The following GMPR2 variants were observed in gnomAD, a reference collection of about 807,000 sequenced individuals.
GMPR2 encodes the protein guanosine monophosphate reductase 2.
In GMPR2, 32 loss-of-function variants were observed where a neutral mutation model predicts 38.5. That is an observed-to-expected ratio of 0.83 (90% CI 0.63 to 1.12). GMPR2 has a LOEUF of 1.12. Among genes scored for constraint, GMPR2 ranks in the 50% most tolerant of loss-of-function variants. GMPR2 has a pLI of 0.00. For synonymous variants in GMPR2, 154 were observed against 151.0 expected (o/e 1.02, Z -0.15); for missense variants, 396 against 432.1 (o/e 0.92, Z 0.74).
Position 24,233,554 on chromosome 14 carries a change from A to G in GMPR2, c.163A>G (p.Met55Val). 1 of 1,614,130 alleles carries G rather than the reference A, an allele frequency of 6.2e-7. No individual in the cohort carries two copies. Among genetic ancestry groups the G allele is most frequent in the Admixed American group, 1.7e-5 (1 of 60,020 alleles). The part of the protein sequence containing the change: ...YSGVPIIAAN[M>V]DTVGTFEMAK... ...TGGGGTTCCCATCATTGCTGCCAAT[A>G]TGGATACTGTGGGCACCTTTGAGAT... The change falls in exon 3 of 10, where the codon ATG (methionine) becomes GTG (valine). Residue 55 changes from methionine (M) to valine (V), a missense_variant. Transcript: ENST00000399440.
At chr14:24,235,917 C>A in intron 4 of GMPR2, 50 bp from the exon 5 acceptor site, 1 of 1,597,200 alleles carries the variant, frequency 6.3e-7, no homozygotes, top group Non-Finnish European at 8.6e-7. Flanking sequence ...GACCCACTGG[C>A]TGCCCACCAG....
intron 8 of GMPR2, 60 bp downstream of exon 8, chr14:24,237,622 G>C (rs1399299684): frequency 1.4e-6 from 2 of 1,423,692 alleles, no homozygotes; most frequent in Non-Finnish European, 2.0e-6. Flanking sequence ...CACCTCTGAG[G>C]GTCTAGGGTC....
At position 24,238,411 on chromosome 14, in the gene GMPR2, T is replaced by A; in HGVS notation, c.857+6T>A. ...GGGGGCGTGGCTGAGTACAGGTATGTGTGGAGGCCCAGGAGCTTAGTAATA... is the reference window on the plus strand; with the variant it reads ...GGGGGCGTGGCTGAGTACAGGTATGAGTGGAGGCCCAGGAGCTTAGTAATA... On this transcript the variant is annotated splice_donor_region_variant and intron_variant, in intron 9 of 9. Coordinates refer to ENST00000399440, the MANE Select transcript of GMPR2 (RefSeq NM_001002002.3). 1 of 1,613,826 alleles carries A rather than the reference T, an allele frequency of 6.2e-7. No individual in the cohort carries two copies. The highest frequency in any genetic ancestry group is 1.1e-5 in the South Asian group (1 of 91,048).
At position 24,233,479 on chromosome 14, in the gene GMPR2, G is replaced by A. The variant is rs539592224; in HGVS notation, c.88G>A (p.Val30Met). The A allele has an allele frequency of 6.2e-7, 1 of 1,613,580 alleles. No homozygotes were observed. Among genetic ancestry groups the A allele is most frequent in the East Asian group, 2.2e-5 (1 of 44,882 alleles). Residue 30 changes from valine (V) to methionine (M), a missense_variant and splice_region_variant, in exon 3 of 10, where the codon GTG becomes ATG. Physicochemically the swap from Val to Met is conservative, Grantham distance 21 (BLOSUM62 1). Coordinates refer to ENST00000399440, the MANE Select transcript of GMPR2 (RefSeq NM_001002002.3). Reference protein sequence around the residue: ...KRSTLKSRSEVDLTRSFSFRN... With the variant: ...KRSTLKSRSEMDLTRSFSFRN... ...GTCAATTTCCTGTTCATATCTGCAG[G>A]TGGATCTCACAAGATCCTTTTCATT...
chr14:24,237,446 T>C lies in GMPR2; in HGVS notation c.655-74T>C, dbSNP rs367700768. On this transcript the variant is annotated intron_variant, in intron 7 of 9. Coordinates refer to ENST00000399440, the MANE Select transcript of GMPR2 (RefSeq NM_001002002.3). ...AGAATTCCTGGGTTCTTGTTGGCTT[T>C]GAGTTGGGCTGTTGGGACATCGCTG... 1.8e-5 allele frequency: 28 copies of C among 1,546,762 alleles called. No individual in the cohort carries two copies. In the African/African-American group the frequency reaches 2.0e-4, roughly 11 times the overall value.
Position 24,238,847 on chromosome 14 carries a change from C to T in GMPR2, c.*69C>T. The stretch of plus-strand genomic sequence containing the variant: ...GGGGCATCCCAAGTGGGGTCCTCAC[C>T]CATCCCAGCTACTGCAGCTCTGTAT... On this transcript the variant is annotated 3_prime_UTR_variant, in exon 10 of 10. Coordinates refer to ENST00000399440, the MANE Select transcript of GMPR2 (RefSeq NM_001002002.3). 7.7e-7 allele frequency: 1 copy of T among 1,298,736 alleles called. No individual in the cohort carries two copies. Among genetic ancestry groups the T allele is most frequent in the Non-Finnish European group, 1.1e-6 (1 of 906,902 alleles). The allele number at this position is 1,298,736 out of a possible 1,614,324, so 80.5% of individuals were successfully genotyped here.
chr14:24,238,681 C>G lies in GMPR2; in HGVS notation c.950C>G (p.Thr317Ser). 1.9e-6 allele frequency: 3 copies of G among 1,613,806 alleles called. No homozygotes were observed. Among genetic ancestry groups the G allele is most frequent in the Non-Finnish European group, 2.5e-6 (3 of 1,179,806 alleles). ...CTAGGAGGGATCCGCTCTACGTGTA[C>G]CTATGTGGGAGCAGCTAAGCTCAAA... ...DILGGIRSTCTYVGAAKLKEL... is the reference protein window; with the variant it reads ...DILGGIRSTCSYVGAAKLKEL... Residue 317 changes from threonine to serine, a missense_variant, in exon 10 of 10, where the codon ACC becomes AGC. By Grantham distance (58) the Thr-to-Ser change is moderately conservative. Transcript: ENST00000399440.
chr14:24,233,693 C>A (rs2040192542), intron 3 of GMPR2, 95 bp downstream of exon 3: 3 of 1,357,022 alleles, frequency 2.2e-6, no homozygotes, highest in Non-Finnish European at 3.2e-6. Context: ...CCAGTCAGTT[C>A]TCTGGCAGTT....
At position 24,233,207 on chromosome 14, in the gene GMPR2, C is replaced by A. The variant is rs199993525; in HGVS notation, c.-35-12C>A. 1.1e-3 allele frequency: 1,719 copies of A among 1,613,210 alleles called. 19 individuals are homozygous for A. The highest frequency in any genetic ancestry group is 1.4e-4 in the Non-Finnish European group (162 of 1,180,010). On this transcript the variant is annotated splice_polypyrimidine_tract_variant and intron_variant, in intron 1 of 9. Coordinates refer to ENST00000399440, the MANE Select transcript of GMPR2 (RefSeq NM_001002002.3). ...AGGGGAAGATTGGTCCTTATGACTTCCTGCCTTCCAGCCCTCAGATTCATC... is the reference window on the plus strand; with the variant it reads ...AGGGGAAGATTGGTCCTTATGACTTACTGCCTTCCAGCCCTCAGATTCATC...
rs201460018 is a variant in GMPR2, at chr14:24,233,592, C to T, written c.201C>T (p.Leu67=). The T allele has an allele frequency of 5.9e-5, 96 of 1,614,164 alleles. No homozygotes were observed. The highest frequency in any genetic ancestry group is 7.8e-5 in the Non-Finnish European group (92 of 1,180,012). ...TVGTFEMAKV[L]CKFSLFTAVH... is the part of the protein sequence containing the mutation. ...GCACCTTTGAGATGGCCAAGGTTCTCTGTAAGGTAGGGCTTTCCTCATGCC... is the reference window on the plus strand; with the variant it reads ...GCACCTTTGAGATGGCCAAGGTTCTTTGTAAGGTAGGGCTTTCCTCATGCC... The change falls in exon 3 of 10, where the codon CTC becomes CTT. Residue 67 remains leucine (L), a synonymous_variant. Coordinates refer to ENST00000399440, the MANE Select transcript of GMPR2 (RefSeq NM_001002002.3).
chr14:24,238,758 A>C lies in GMPR2; in HGVS notation c.1027A>C (p.Ile343Leu), dbSNP rs374209364. The C allele has an allele frequency of 1.2e-6, 2 of 1,613,570 alleles. No individual in the cohort carries two copies. The highest frequency in any genetic ancestry group is 8.5e-7 in the Non-Finnish European group (1 of 1,179,882). Residue 343 changes from isoleucine to leucine, a missense_variant, in exon 10 of 10, where the codon ATC (isoleucine) becomes CTC (leucine). By Grantham distance (5) the Ile-to-Leu change is conservative (BLOSUM62 2). Coordinates refer to ENST00000399440, the MANE Select transcript of GMPR2 (RefSeq NM_001002002.3). ...CCGAGTCACCCAGCAGGTGAATCCA[A>C]TCTTCAGTGAGGCGTGCTAGACCTG... The part of the protein sequence containing the change: ...FIRVTQQVNP[I>L]FSEAC
At chr14:24,236,883 G>A (rs1390546015) in intron 5 of GMPR2, 188 bp from the exon 6 acceptor site, 3 of 556,186 alleles carry the variant, frequency 5.4e-6, no homozygotes, top group African/African-American at 1.9e-5. Flanking sequence ...TTGGTGTTGG[G>A]TGGATGGGTA....
chr14:24,237,721 GCAGGGGA>G (rs1319410084), intron 8 of GMPR2, 159 bp downstream of exon 8: 1 of 684,810 alleles, frequency 1.5e-6, no homozygotes, highest in Non-Finnish European at 2.5e-6. Context: ...GGGGCAGCCA[GCAGGGGA>G]CATCTGAGAC....
chr14:24,238,781 C>T lies in GMPR2; in HGVS notation c.*3C>T, dbSNP rs45572034. 15,026 of 1,610,320 alleles carry T rather than the reference C, an allele frequency of 9.3e-3. 106 individuals carry two copies. The highest frequency in any genetic ancestry group is 0.011 in the Non-Finnish European group (13,183 of 1,179,010). ...CAATCTTCAGTGAGGCGTGCTAGAC[C>T]TGAGCAGTTCTACCCTCCCAAGGCA... On this transcript the variant is annotated 3_prime_UTR_variant, in exon 10 of 10. Coordinates refer to ENST00000399440, the MANE Select transcript of GMPR2 (RefSeq NM_001002002.3).
intron 3 of GMPR2, chr14:24,235,407 G>A (rs1342417403): frequency 8.8e-6 from 3 of 342,046 alleles, no homozygotes; most frequent in African/African-American, 2.1e-5. Context: ...CTTCTTCATG[G>A]TTCTTTCATG....
chr14:24,233,596 A>G lies in GMPR2; in HGVS notation c.205A>G (p.Lys69Glu), dbSNP rs2138942184. Residue 69 changes from lysine to glutamate, a missense_variant and splice_region_variant, in exon 3 of 10, where the codon AAG (lysine) becomes GAG (glutamate). Physicochemically the swap from Lys to Glu is moderately conservative, Grantham distance 56. Coordinates refer to ENST00000399440, the MANE Select transcript of GMPR2 (RefSeq NM_001002002.3). ...CTTTGAGATGGCCAAGGTTCTCTGTAAGGTAGGGCTTTCCTCATGCCCCAT... is the reference window on the plus strand; with the variant it reads ...CTTTGAGATGGCCAAGGTTCTCTGTGAGGTAGGGCTTTCCTCATGCCCCAT... ...GTFEMAKVLC[K>E]FSLFTAVHKH... 6.2e-7 allele frequency: 1 copy of G among 1,614,130 alleles called. No homozygotes were observed. Among genetic ancestry groups the G allele is most frequent in the East Asian group, 2.2e-5 (1 of 44,880 alleles).
At chr14:24,235,487 A>G in intron 3 of GMPR2, 1 of 517,562 alleles carries the variant, frequency 1.9e-6, no homozygotes, top group Non-Finnish European at 3.4e-6. Context: ...GTGCTGGCAG[A>G]TGAAATCCAA....
At chr14:24,238,089 C>G (rs2040431288) in intron 8 of GMPR2, 157 bp from the exon 9 acceptor site, 5 of 646,908 alleles carry the variant, frequency 7.7e-6, no homozygotes, top group South Asian at 2.0e-5. Context: ...CAGGGCAGAT[C>G]AGGCCTGCGT....
chr14:24,236,193 C>T, intron 5 of GMPR2, 53 bp downstream of exon 5: 1 of 1,374,188 alleles, frequency 7.3e-7, no homozygotes. Flanking sequence ...TCCTGCCACT[C>T]CGTTTTGCTA....
Sources: allele counts gnomAD v4.1 joint callset, GRCh38; gene constraint gnomAD v4.1.1; transcripts MANE v1.5; gene names NCBI Gene and HGNC (gene_info 2026-07-23, HGNC 2026-07-21).